PRKG1: variants seen among roughly 807,000 people sequenced by gnomAD.
PRKG1 encodes the protein cGMP-dependent protein kinase 1.
Under a neutral mutation model 88.1 loss-of-function variants are expected in PRKG1, and 35 were observed. The observed-to-expected ratio is 0.40, with a 90% CI of 0.30 to 0.53. The LOEUF (loss-of-function observed/expected upper bound fraction) is 0.53. Ranked by LOEUF, PRKG1 falls within the 20% of genes least tolerant of loss-of-function variation. The probability of loss-of-function intolerance (pLI) is 0.59; values close to 1 mark genes in which losing one functional copy is unlikely to be tolerated. For synonymous variants in PRKG1, 303 were observed against 292.5 expected (o/e 1.04, Z -0.37); for missense variants, 540 against 839.8 (o/e 0.64, Z 4.41).
intron 1 of PRKG1, among the ~76,000 whole-genome samples, chr10:51,002,707 A>G (rs1842901766): frequency 6.6e-6 from 1 of 152,210 alleles, no homozygotes; most frequent in South Asian, 2.1e-4. Flanking sequence ...GATGTGAAGC[A>G]GTCTTGCTAC....
At chr10:51,996,034 C>T (rs1447484568) in intron 5 of PRKG1, among the ~76,000 whole-genome samples, 2 of 151,930 alleles carry the variant, frequency 1.3e-5, no homozygotes, top group Admixed American at 6.6e-5. Flanking sequence ...GATAACTGGC[C>T]GGGCACGGTG....
rs537803282 is a variant in PRKG1 at position 51,292,529 on chromosome 10, C to A, written c.478+139199C>A. Among the ~76,000 whole-genome samples the A allele has an allele frequency of 7.2e-5, 11 of 152,168 alleles. No homozygotes were observed. In the South Asian group the frequency reaches 2.3e-3, roughly 32 times the overall value. On this transcript the variant is annotated intron_variant, in intron 2 of 17. Transcript: ENST00000373980. Reference sequence around the variant, plus strand: ...GTACAAAATACCTTTGAATCTTGTTCAATATTAAGTCATGTTTATTTTTAA... The same window carrying A: ...GTACAAAATACCTTTGAATCTTGTTAAATATTAAGTCATGTTTATTTTTAA...
intron 4 of PRKG1, among the ~76,000 whole-genome samples, chr10:51,884,918 T>C (rs563666891): frequency 3.3e-5 from 5 of 152,294 alleles, no homozygotes; most frequent in African/African-American, 1.2e-4. Context: ...TTTGGAAGCA[T>C]CTTTAACTCA....
chr10:52,103,800 C>T (rs1222741564), intron 7 of PRKG1, among the ~76,000 whole-genome samples: 1 of 151,848 alleles, frequency 6.6e-6, no homozygotes, highest in Non-Finnish European at 1.5e-5. Context: ...TTGAAAGCCT[C>T]ATTGTTTTCT....
chr10:51,698,474 T>G (rs768108943), intron 3 of PRKG1: 20 of 1,613,962 alleles, frequency 1.2e-5, no homozygotes, highest in Non-Finnish European at 1.6e-5. Flanking sequence ...GGGACCCTGA[T>G]GGGGTGGACC....
At chr10:51,581,883 A>G (rs1838047900) in intron 3 of PRKG1, among the ~76,000 whole-genome samples, 1 of 152,104 alleles carries the variant, frequency 6.6e-6, no homozygotes, top group Admixed American at 6.6e-5. Context: ...CAAGTATTAC[A>G]TACTCTACCT....
chr10:51,105,856 GT>G (rs1481757430), intron 1 of PRKG1, among the ~76,000 whole-genome samples: 1 of 151,898 alleles, frequency 6.6e-6, no homozygotes, highest in Non-Finnish European at 1.5e-5. Flanking sequence ...GATATTCAAG[GT>G]TTAGTGCCCC....
intron 4 of PRKG1, among the ~76,000 whole-genome samples, chr10:51,830,814 G>C (rs1839988066): frequency 6.6e-6 from 1 of 151,602 alleles, no homozygotes; most frequent in Admixed American, 6.6e-5. Flanking sequence ...CACCCTCCTG[G>C]GCCCCCCAAA....
At chr10:51,578,027 A>G (rs2132180102) in intron 3 of PRKG1, among the ~76,000 whole-genome samples, 1 of 152,188 alleles carries the variant, frequency 6.6e-6, no homozygotes, top group East Asian at 1.9e-4. Context: ...AATCATGTTC[A>G]TTTTCAGGAT....
At chr10:51,801,566 A>G (rs528592025) in intron 3 of PRKG1, among the ~76,000 whole-genome samples, 1 of 152,258 alleles carries the variant, frequency 6.6e-6, no homozygotes, top group African/African-American at 2.4e-5. Context: ...ATATGAGCTG[A>G]ATAAATATTT....
chr10:51,994,149 G>T (rs900630908), intron 5 of PRKG1, among the ~76,000 whole-genome samples: 1 of 152,142 alleles, frequency 6.6e-6, no homozygotes, highest in East Asian at 1.9e-4. Context: ...TCTTCCTAAA[G>T]AGAGGTCTAA....
At chr10:51,602,789 C>CAT (rs1016709589) in intron 3 of PRKG1, among the ~76,000 whole-genome samples, 2 of 120,264 alleles carry the variant, frequency 1.7e-5, no homozygotes, top group African/African-American at 6.7e-5. Context: ...TGTATATATT[C>CAT]ATATATATAT....
chr10:51,357,357 G>T (rs1462087181), intron 2 of PRKG1, among the ~76,000 whole-genome samples: 1 of 151,960 alleles, frequency 6.6e-6, no homozygotes, highest in Non-Finnish European at 1.5e-5. Context: ...GAGAGGGAAA[G>T]CAGCTTCTGT....
chr10:51,980,667 C>T (rs557009195), intron 5 of PRKG1, among the ~76,000 whole-genome samples: 1 of 152,230 alleles, frequency 6.6e-6, no homozygotes, highest in African/African-American at 2.4e-5. Flanking sequence ...GGGTGCTCCT[C>T]TGTTGGGCAT....
chr10:51,698,636 A>G (rs1037302343), intron 3 of PRKG1: 1 of 1,614,086 alleles, frequency 6.2e-7, no homozygotes, highest in Non-Finnish European at 8.5e-7. Flanking sequence ...TGACATCTGC[A>G]CTTGTCCCCG....
chr10:51,006,312 C>G (rs1842940059), intron 1 of PRKG1, among the ~76,000 whole-genome samples: 1 of 152,180 alleles, frequency 6.6e-6, no homozygotes, highest in Admixed American at 6.5e-5. Flanking sequence ...AAAATACACA[C>G]AAAACCACAG....
chr10:51,168,000 A>G lies in PRKG1; in HGVS notation c.478+14670A>G, dbSNP rs143656781. ...TTTTACATACATCAGATTAAATGGC[A>G]AATTTGGATATTTAACAGATTTCAT... is the stretch of plus-strand genomic sequence containing the variant. On this transcript the variant is annotated intron_variant, in intron 2 of 17. Transcript: ENST00000373980. Among the ~76,000 whole-genome samples, 1,442 of 152,266 alleles carry G rather than the reference A, an allele frequency of 9.5e-3. 13 individuals carry two copies. The highest frequency in any genetic ancestry group is 0.015 in the Non-Finnish European group (992 of 68,002).
At chr10:51,125,736 G>GT (rs909127791) in intron 1 of PRKG1, among the ~76,000 whole-genome samples, 43 of 143,696 alleles carry the variant, frequency 3.0e-4, no homozygotes, top group African/African-American at 1.1e-3. Context: ...TAAATTATGT[G>GT]TTTTTAAATA....
chr10:51,727,069 G>A (rs113538261), intron 3 of PRKG1, among the ~76,000 whole-genome samples: 3 of 151,842 alleles, frequency 2.0e-5, no homozygotes, highest in African/African-American at 7.3e-5. Flanking sequence ...ATGAGCCACC[G>A]CACCTGGCCT....
Sources: gnomAD v4.1 joint callset for allele counts (sites outside exome capture counted in the v4.1 genomes callset) on GRCh38, gnomAD v4.1.1 for gene constraint, MANE v1.5 for transcripts, NCBI Gene and HGNC (gene_info 2026-07-23, HGNC 2026-07-21) for gene names.